The following NME6 variants were observed in gnomAD, a reference collection of about 807,000 sequenced individuals.
The protein encoded by NME6 is NME/NM23 nucleoside diphosphate kinase 6.
In NME6, 16 loss-of-function variants were observed where a neutral mutation model predicts 22.2. That is an observed-to-expected ratio of 0.72 (90% CI 0.49 to 1.09). NME6 has a LOEUF of 1.09. NME6 is among the 50% of genes least tolerant of loss of function. NME6 has a pLI of 0.00. For missense variants in NME6, 229 were observed against 239.0 expected (o/e 0.96, Z 0.28); for synonymous variants, 58 against 85.2 (o/e 0.68, Z 1.76).
chr3:48,301,325 T>A, intron 1 of NME6, 28 bp downstream of exon 1: 2 of 1,587,132 alleles, frequency 1.3e-6, no homozygotes, highest in Non-Finnish European at 1.7e-6. Flanking sequence ...GGAGCCCCAG[T>A]GCAGCAGAAG....
At chr3:48,292,071 A>C (rs938200003), downstream of NME6, 3 of 152,226 alleles carry the variant, frequency 2.0e-5, no homozygotes, top group Non-Finnish European at 4.4e-5. Flanking sequence ...GGCCATCTAA[A>C]CTTAATTATC....
At chr3:48,291,780 G>A (rs1027911349), downstream of NME6, 3 of 152,190 alleles carry the variant, frequency 2.0e-5, no homozygotes, top group African/African-American at 7.3e-5. Context: ...GTTTCATTTT[G>A]TTTTGAGACG....
intron 1 of NME6, chr3:48,300,673 G>T: frequency 4.3e-6 from 1 of 231,660 alleles, no homozygotes; most frequent in Non-Finnish European, 8.7e-6. Flanking sequence ...ACGCAGCTAA[G>T]TTGTGGCTGT....
rs769648878 is a variant in NME6 at position 48,295,142 on chromosome 3, A to G, written c.327T>C (p.His109=). ...TCCCACGGATAGAATCTGGGGCCAC[A>G]TGGCGTGCTCGGAACACTCTGGTGG... ...MGPTRVFRAR[H]VAPDSIRGSF... Residue 109 remains histidine (H), a synonymous_variant, in exon 5 of 6, where the codon CAT becomes CAC. Coordinates refer to ENST00000442597, the MANE Select transcript of NME6 (RefSeq NM_001308426.2). 3.1e-6 allele frequency: 5 copies of G among 1,614,182 alleles called. No individual in the cohort carries two copies. The highest frequency in any genetic ancestry group is 1.7e-5 in the Admixed American group (1 of 60,024).
intron 4 of NME6, 105 bp downstream of exon 4, chr3:48,296,014 G>T: frequency 1.2e-6 from 1 of 868,436 alleles, no homozygotes; most frequent in Non-Finnish European, 2.0e-6. Context: ...ACCGTGCCTG[G>T]CCTGATTACA....
chr3:48,298,827 C>T, intron 1 of NME6: 2 of 631,412 alleles, frequency 3.2e-6, no homozygotes, highest in South Asian at 3.6e-5. Flanking sequence ...CTACCTGTCT[C>T]TGCCAATATC....
At chr3:48,296,217 C>T (rs748970016) in intron 3 of NME6, 59 bp from the exon 4 acceptor site, 2 of 1,612,270 alleles carry the variant, frequency 1.2e-6, no homozygotes, top group East Asian at 2.2e-5. Context: ...AGGCAACTTT[C>T]TGTACTTCTA....
chr3:48,290,862 T>C, downstream of NME6: 1 of 222,962 alleles, frequency 4.5e-6, no homozygotes. Context: ...GAAATGTACA[T>C]GATAGGAACT....
At chr3:48,296,951 G>A (rs891946075) in intron 2 of NME6, 122 bp from the exon 3 acceptor site, 5 of 667,474 alleles carry the variant, frequency 7.5e-6, no homozygotes, top group African/African-American at 7.3e-5. Context: ...GTGAGAAGAC[G>A]AGGTGGGGTG....
chr3:48,295,529 A>G (rs1409580902), intron 4 of NME6: 7 of 372,798 alleles, frequency 1.9e-5, no homozygotes, highest in Non-Finnish European at 2.9e-5. Context: ...GTGTTTCTTC[A>G]GATTTGACAT....
downstream of NME6, chr3:48,291,224 A>AGGAAGGGTATTGGGGAACTTT (rs1252644988): frequency 2.7e-6 from 1 of 368,980 alleles, no homozygotes; most frequent in Non-Finnish European, 5.3e-6. Context: ...AAAAATAAGC[A>AGGAAGGGTATTGGGGAACTTT]GGAAGGGTAT....
Position 48,295,218 on chromosome 3 carries a change from T to A in NME6, c.251A>T (p.Tyr84Phe). The change falls in exon 5 of 6, where the codon TAC becomes TTC. Residue 84 changes from tyrosine to phenylalanine, a missense_variant. Tyr to Phe is a conservative substitution (Grantham distance 22). Coordinates refer to ENST00000442597, the MANE Select transcript of NME6 (RefSeq NM_001308426.2). ...EFMASGPIRA[Y>F]ILAHKDAIQL... Reference sequence around the variant, plus strand: ...GATGGCATCCTTGTGGGCAAGGATGTAGGCTCGGATTGGCCCGCTGTGAAC... The same window carrying A: ...GATGGCATCCTTGTGGGCAAGGATGAAGGCTCGGATTGGCCCGCTGTGAAC... The A allele has an allele frequency of 6.2e-7, 1 of 1,613,746 alleles. No individual in the cohort carries two copies. The highest frequency in any genetic ancestry group is 8.5e-7 in the Non-Finnish European group (1 of 1,179,722).
chr3:48,291,158 TA>T, downstream of NME6: 1 of 314,320 alleles, frequency 3.2e-6, no homozygotes, highest in South Asian at 3.0e-5. Flanking sequence ...GAAAAGTTGG[TA>T]ACGCTGGAAT....
At chr3:48,290,777 G>A (rs2034397314), downstream of NME6, 1 of 160,308 alleles carries the variant, frequency 6.2e-6, no homozygotes, top group Non-Finnish European at 1.4e-5. Context: ...GAAAGGCAGA[G>A]GAACTTGGGC....
chr3:48,301,175 C>T (rs938191139), intron 1 of NME6, 178 bp downstream of exon 1: 76 of 1,270,750 alleles, frequency 6.0e-5, no homozygotes, highest in Non-Finnish European at 7.6e-5. Context: ...TGCGCCCCTA[C>T]CCCCGTGGCC....
rs2034605530 is a variant in NME6 at position 48,292,552 on chromosome 3, G to A, written c.*2085C>T. On this transcript the variant is annotated 3_prime_UTR_variant, in exon 6 of 6. Coordinates refer to ENST00000442597, the MANE Select transcript of NME6 (RefSeq NM_001308426.2). ...CAGATTTTGTTCCAGACTATTTCAAGGATTTTTTTTTTCTTGAGATGGAGT... is the reference window on the plus strand; with the variant it reads ...CAGATTTTGTTCCAGACTATTTCAAAGATTTTTTTTTTCTTGAGATGGAGT... The A allele has an allele frequency of 6.6e-6, 1 of 152,024 alleles. No individual in the cohort carries two copies. The highest frequency in any genetic ancestry group is 1.5e-5 in the Non-Finnish European group (1 of 67,998). The allele number at this position is 152,024 out of a possible 1,614,324, so 9.4% of individuals were successfully genotyped here.
At chr3:48,295,303 G>A (rs1018893551) in intron 4 of NME6, 68 bp from the exon 5 acceptor site, 3 of 1,495,982 alleles carry the variant, frequency 2.0e-6, no homozygotes, top group African/African-American at 1.4e-5. Context: ...TGTGAGCAGG[G>A]CCTGAATAAA....
intron 1 of NME6, chr3:48,300,165 T>C (rs1402339093): frequency 1.1e-5 from 5 of 445,452 alleles, no homozygotes; most frequent in Middle Eastern, 3.3e-4. Context: ...GAAAATCTAA[T>C]CATATGGTTC....
chr3:48,300,344 G>C (rs922581656), intron 1 of NME6: 83 of 456,592 alleles, frequency 1.8e-4, no homozygotes, highest in Non-Finnish European at 3.1e-5. Flanking sequence ...GGGCCTTTCA[G>C]TTTTGAAAGA....
Sources: allele counts gnomAD v4.1 joint callset, GRCh38; gene constraint gnomAD v4.1.1; transcripts MANE v1.5; gene names NCBI Gene and HGNC (gene_info 2026-07-23, HGNC 2026-07-21).